The following RIMS2 variants were observed in gnomAD, a reference collection of about 807,000 sequenced individuals.
The protein encoded by RIMS2 is regulating synaptic membrane exocytosis 2, also known as regulating synaptic membrane exocytosis protein 2.
Under a neutral mutation model 174.4 loss-of-function variants are expected in RIMS2, and 59 were observed. That is an observed-to-expected ratio of 0.34 (90% CI 0.27 to 0.42). The LOEUF (loss-of-function observed/expected upper bound fraction) is 0.42, where lower values mean the gene tolerates loss of function less well. Among genes scored for constraint, RIMS2 ranks in the 10% least tolerant of loss-of-function variants. The pLI is 1.00. For missense variants in RIMS2, 1,620 were observed against 1,666.3 expected, an observed-to-expected ratio of 0.97 and a Z score of 0.48; for synonymous variants, 606 against 572.5, an observed-to-expected ratio of 1.06 and a Z score of -0.84.
chr8:103,767,545 A>G (rs777311571), intron 3 of RIMS2, among the ~76,000 whole-genome samples: 1 of 152,150 alleles, frequency 6.6e-6, no homozygotes, highest in Non-Finnish European at 1.5e-5. Flanking sequence ...GGTTTATACT[A>G]TTTCTGTTGC....
intron 19 of RIMS2, among the ~76,000 whole-genome samples, chr8:104,017,991 C>T (rs2095973065): frequency 6.6e-6 from 1 of 152,148 alleles, no homozygotes; most frequent in South Asian, 2.1e-4. Flanking sequence ...GGGAGGATCA[C>T]TTGAGCCCAG....
intron 19 of RIMS2, among the ~76,000 whole-genome samples, chr8:104,084,820 G>A (rs2097506488): frequency 6.6e-6 from 1 of 152,074 alleles, no homozygotes; most frequent in Non-Finnish European, 1.5e-5. Flanking sequence ...TATTAAGAAG[G>A]TATTGTCTCC....
chr8:103,914,427 A>G (rs2076290258), intron 6 of RIMS2, among the ~76,000 whole-genome samples: 1 of 152,242 alleles, frequency 6.6e-6, no homozygotes, highest in South Asian at 2.1e-4. Context: ...AAATAAATCA[A>G]CATACAAACA....
intron 19 of RIMS2, among the ~76,000 whole-genome samples, chr8:104,240,619 A>G (rs905953435): frequency 6.6e-6 from 1 of 152,186 alleles, no homozygotes; most frequent in African/African-American, 2.4e-5. Context: ...GCTGTTAATC[A>G]TGGTCTTGGT....
intron 3 of RIMS2, among the ~76,000 whole-genome samples, chr8:103,769,272 A>G (rs2098219596): frequency 6.6e-6 from 1 of 152,162 alleles, no homozygotes; most frequent in Admixed American, 6.6e-5. Context: ...TTTATGAGTA[A>G]TTAATTCATC....
intron 10 of RIMS2, chr8:103,922,697 GC>G (rs1417996106): frequency 2.8e-6 from 1 of 356,452 alleles, no homozygotes; most frequent in Non-Finnish European, 5.9e-6. Context: ...AAAAAAGATA[GC>G]TTTTTGTTAA....
intron 3 of RIMS2, among the ~76,000 whole-genome samples, chr8:103,826,613 G>A (rs2154476673): frequency 6.6e-6 from 1 of 151,340 alleles, no homozygotes; most frequent in East Asian, 1.9e-4. Flanking sequence ...ATGTCAGGCA[G>A]TGTAAATCCT....
chr8:104,143,072 A>G (rs2098598956), intron 19 of RIMS2, among the ~76,000 whole-genome samples: 1 of 152,148 alleles, frequency 6.6e-6, no homozygotes, highest in Non-Finnish European at 1.5e-5. Context: ...GTAAACCAAA[A>G]CCAAGTTCTT....
At chr8:103,594,583 A>T (rs1198083895) in intron 1 of RIMS2, among the ~76,000 whole-genome samples, 3 of 151,752 alleles carry the variant, frequency 2.0e-5, no homozygotes, top group African/African-American at 7.2e-5. Flanking sequence ...TTCATGGTTT[A>T]TAGCAATTTT....
intron 16 of RIMS2, among the ~76,000 whole-genome samples, chr8:103,986,820 C>T (rs1204142645): frequency 6.6e-6 from 1 of 151,382 alleles, no homozygotes; most frequent in Non-Finnish European, 1.5e-5. Flanking sequence ...TTGCAGTGAG[C>T]CGAGATCCTG....
At chr8:104,196,802 G>C (rs2099026783) in intron 19 of RIMS2, among the ~76,000 whole-genome samples, 1 of 151,996 alleles carries the variant, frequency 6.6e-6, no homozygotes, top group African/African-American at 2.4e-5. Context: ...ATTTAACTTA[G>C]TATAACTTTA....
chr8:103,718,033 G>T (rs531696237), intron 2 of RIMS2, among the ~76,000 whole-genome samples: 232 of 152,118 alleles, frequency 1.5e-3, no homozygotes, highest in Non-Finnish European at 3.1e-3. Context: ...AACTTCTAAG[G>T]CAATATACAA....
chr8:103,575,679 C>CATATATATATATATATATATAT (rs112166531), intron 1 of RIMS2, among the ~76,000 whole-genome samples: 1 of 141,036 alleles, frequency 7.1e-6, no homozygotes, highest in East Asian at 2.2e-4. Context: ...CATACACACA[C>CATATATATATATATATATATAT]ACACACATAT....
intron 4 of RIMS2, among the ~76,000 whole-genome samples, chr8:103,888,700 A>T (rs1375462235): frequency 6.6e-6 from 1 of 151,622 alleles, no homozygotes; most frequent in African/African-American, 2.4e-5. Flanking sequence ...TAAAAGTCTC[A>T]TATAAGTAAA....
chr8:104,033,236 A>G (rs2096438692), intron 19 of RIMS2, among the ~76,000 whole-genome samples: 1 of 151,992 alleles, frequency 6.6e-6, no homozygotes, highest in Non-Finnish European at 1.5e-5. Context: ...TTGGGAAAAT[A>G]GTGATTAGCT....
chr8:103,521,090 A>C (rs960672089), intron 1 of RIMS2, among the ~76,000 whole-genome samples: 45 of 142,198 alleles, frequency 3.2e-4, no homozygotes, highest in Non-Finnish European at 5.2e-4. Flanking sequence ...AACAATGAGA[A>C]CACATGGACA....
chr8:103,704,472 C>T (rs2097201547), intron 2 of RIMS2, among the ~76,000 whole-genome samples: 1 of 152,026 alleles, frequency 6.6e-6, no homozygotes, highest in Admixed American at 6.6e-5. Context: ...CAGGTTAATA[C>T]TAGCCTCATA....
intron 1 of RIMS2, among the ~76,000 whole-genome samples, chr8:103,577,388 C>G (rs2093325288): frequency 6.6e-6 from 1 of 152,104 alleles, no homozygotes; most frequent in Non-Finnish European, 1.5e-5. Flanking sequence ...CTATTTCAAC[C>G]AAACACTGAT....
intron 19 of RIMS2, chr8:104,223,367 T>C (rs1275080960): frequency 2.7e-5 from 32 of 1,190,320 alleles, no homozygotes; most frequent in East Asian, 8.0e-5. Flanking sequence ...GATTCTCAGC[T>C]CCCTCCCGGG....
Sources: allele counts gnomAD v4.1 joint callset (sites outside exome capture counted in the v4.1 genomes callset), GRCh38; gene constraint gnomAD v4.1.1; transcripts MANE v1.5; gene names NCBI Gene and HGNC (gene_info 2026-07-23, HGNC 2026-07-21).